PCDHA9: variants seen among roughly 807,000 people sequenced by gnomAD.
PCDHA9 encodes protocadherin alpha-9.
PCDHA9 carries 62 observed loss-of-function variants against 62.0 expected under a neutral mutation model. That is an observed-to-expected ratio of 1.00 (90% confidence interval 0.81 to 1.23). The LOEUF is 1.23. Ranked by LOEUF, PCDHA9 falls within the 50% of genes most tolerant of loss-of-function variation. The probability of loss-of-function intolerance (pLI) is 0.00; values close to 1 mark genes in which losing one functional copy is unlikely to be tolerated. For missense variants in PCDHA9, 1,205 were observed against 1,249.8 expected (o/e 0.96, Z 0.54); for synonymous variants, 557 against 567.6 (o/e 0.98, Z 0.27).
In PCDHA9 at chr5:140,855,001, ATAT is replaced by A. The variant is rs1304130287; in HGVS notation, c.2394+4116_2394+4118del. On this transcript the variant is annotated intron_variant, in intron 1 of 3. Transcript: ENST00000532602. Reference sequence around the variant, plus strand: ...TTAAGATTCTTTTTGCCCGTGTAAGATATTATAAAATGAAACTTCTTGTATAAA... The same window carrying A: ...TTAAGATTCTTTTTGCCCGTGTAAGATATAAAATGAAACTTCTTGTATAAA... Among the ~76,000 whole-genome samples the A allele has an allele frequency of 2.0e-5, 3 of 149,948 alleles. 1 individual carries two copies. The highest frequency in any genetic ancestry group is 4.5e-5 in the Non-Finnish European group (3 of 67,104).
chr5:140,918,153 C>A (rs1554198452), intron 1 of PCDHA9, among the ~76,000 whole-genome samples: 2 of 152,036 alleles, frequency 1.3e-5, no homozygotes, highest in African/African-American at 2.4e-5. Flanking sequence ...TTGTGTATGT[C>A]TATTGTAAAT....
Position 141,010,074 on chromosome 5 carries a change from G to C in PCDHA9, c.*137G>C. 6.2e-7 allele frequency: 1 copy of C among 1,607,844 alleles called. No homozygotes were observed. Among genetic ancestry groups the C allele is most frequent in the Non-Finnish European group, 8.5e-7 (1 of 1,176,754 alleles). On this transcript the variant is annotated 3_prime_UTR_variant, in exon 4 of 4. Transcript: ENST00000532602. ...CTCAGAAATCTGCAGAAAGTTCCCT[G>C]TGTCTGTCTAGAACGCATTTAACAG...
intron 1 of PCDHA9, chr5:140,878,069 T>C: frequency 5.3e-6 from 2 of 379,294 alleles, no homozygotes; most frequent in East Asian, 5.0e-5. Flanking sequence ...ATATTTTTCT[T>C]TTTCTATAAT....
intron 3 of PCDHA9, among the ~76,000 whole-genome samples, chr5:140,987,524 GT>G (rs1341881093): frequency 6.6e-6 from 1 of 152,144 alleles, no homozygotes; most frequent in Non-Finnish European, 1.5e-5. Flanking sequence ...GTAATTGTAT[GT>G]TCCTGGGACC....
At chr5:140,896,661 G>A (rs553525837) in intron 1 of PCDHA9, among the ~76,000 whole-genome samples, 1 of 152,220 alleles carries the variant, frequency 6.6e-6, no homozygotes. Context: ...ACAGGCATGA[G>A]TCACTGTGCC....
intron 3 of PCDHA9, among the ~76,000 whole-genome samples, chr5:140,985,740 T>C (rs992695405): frequency 1.9e-5 from 1 of 53,688 alleles, no homozygotes; most frequent in Admixed American, 1.9e-4. Context: ...GATGAATTCC[T>C]TTTTTTTTTT....
intron 1 of PCDHA9, among the ~76,000 whole-genome samples, chr5:140,908,888 C>T (rs2074210125): frequency 1.3e-5 from 2 of 152,122 alleles, no homozygotes; most frequent in African/African-American, 4.8e-5. Flanking sequence ...CCAATAGTCC[C>T]AAATAAGCCT....
intron 1 of PCDHA9, chr5:140,857,365 C>G (rs251362): frequency 0.53 from 847,286 of 1,597,488 alleles, 260,121 homozygotes; most frequent in South Asian, 0.6. Flanking sequence ...CCACGGCCAG[C>G]GTGTCTGTGG....
At chr5:140,851,288 A>C in intron 1 of PCDHA9, 1 of 1,036,248 alleles carries the variant, frequency 9.7e-7, no homozygotes, top group Non-Finnish European at 1.2e-6. Context: ...TAAGAAACCC[A>C]AGCAAAAATA....
In PCDHA9 at chr5:140,857,222, G is replaced by T. The variant is rs373834853; in HGVS notation, c.2394+6333G>T. ...GGTCACCTGCTCTCTGACGCCTCAC[G>T]TTCCGTTCAAGCTGGTGTCCACCTA... On this transcript the variant is annotated intron_variant, in intron 1 of 3. Coordinates refer to ENST00000532602, the MANE Select transcript of PCDHA9 (RefSeq NM_031857.2). 4 of 1,598,456 alleles carry T rather than the reference G, an allele frequency of 2.5e-6. No individual in the cohort carries two copies. Among genetic ancestry groups the T allele is most frequent in the African/African-American group, 2.7e-5 (2 of 74,394 alleles).
chr5:140,858,202 A>T (rs782325182), intron 1 of PCDHA9: 5 of 1,597,020 alleles, frequency 3.1e-6, no homozygotes. Context: ...TGTACACTGC[A>T]CTGAGGTGCT....
intron 1 of PCDHA9, chr5:140,853,856 G>T: frequency 1.0e-6 from 1 of 985,598 alleles, no homozygotes; most frequent in South Asian, 4.7e-5. Context: ...AGCCCTATTT[G>T]ATACTTGACA....
chr5:140,946,219 G>T (rs2093905754), intron 1 of PCDHA9, among the ~76,000 whole-genome samples: 1 of 151,856 alleles, frequency 6.6e-6, no homozygotes, highest in African/African-American at 2.4e-5. Context: ...TGACCAACAG[G>T]TATACTAAAA....
At position 140,856,052 on chromosome 5, in the gene PCDHA9, G is replaced by A. The variant is rs782444703; in HGVS notation, c.2394+5163G>A. 5.7e-6 allele frequency: 9 copies of A among 1,585,062 alleles called. 1 individual carries two copies. Among genetic ancestry groups the A allele is most frequent in the African/African-American group, 5.4e-5 (4 of 73,974 alleles). On this transcript the variant is annotated intron_variant, in intron 1 of 3. Coordinates refer to ENST00000532602, the MANE Select transcript of PCDHA9 (RefSeq NM_031857.2). The stretch of plus-strand genomic sequence containing the variant: ...TGTAAAACAAGAGAAGGATAAGATG[G>A]TTTCCAGATGTAGCTGCCTGGGGGT...
chr5:140,862,489 C>T (rs1385240823), intron 1 of PCDHA9: 1 of 384,600 alleles, frequency 2.6e-6, no homozygotes, highest in Non-Finnish European at 5.2e-6. Context: ...TGTTGGTAAT[C>T]GCTCGGAATG....
In PCDHA9 at chr5:141,011,141, A is replaced by G. The variant is rs1039778930; in HGVS notation, c.*1204A>G. 3.9e-5 allele frequency: 6 copies of G among 153,668 alleles called. No homozygotes were observed. In the Admixed American group the frequency reaches 3.9e-4, roughly 10 times the overall value. The allele number at this position is 153,668 out of a possible 1,614,324, so 9.5% of individuals were successfully genotyped here. On this transcript the variant is annotated 3_prime_UTR_variant, in exon 4 of 4. Coordinates refer to ENST00000532602, the MANE Select transcript of PCDHA9 (RefSeq NM_031857.2). Reference sequence around the variant, plus strand: ...ACAATTATGTGCACTTTGATACACAACCTTCTCTAACCAACTATATATCAA... The same window carrying G: ...ACAATTATGTGCACTTTGATACACAGCCTTCTCTAACCAACTATATATCAA...
intron 1 of PCDHA9, chr5:140,853,448 G>C: frequency 1.0e-6 from 1 of 980,734 alleles, no homozygotes; most frequent in Non-Finnish European, 1.2e-6. Context: ...TTGCCTAATA[G>C]GTCTCCTTAT....
intron 1 of PCDHA9, among the ~76,000 whole-genome samples, chr5:140,921,752 C>T (rs1429216387): frequency 6.6e-6 from 1 of 152,130 alleles, no homozygotes; most frequent in Non-Finnish European, 1.5e-5. Context: ...TAACAGGACA[C>T]TTCTTGGCTA....
chr5:140,959,057 G>A (rs1437392976), intron 1 of PCDHA9, among the ~76,000 whole-genome samples: 1 of 152,092 alleles, frequency 6.6e-6, no homozygotes, highest in Non-Finnish European at 1.5e-5. Context: ...AAAAAATGCA[G>A]TATATATAGA....
Sources: gnomAD v4.1 joint callset for allele counts (sites outside exome capture counted in the v4.1 genomes callset) on GRCh38, gnomAD v4.1.1 for gene constraint, MANE v1.5 for transcripts, NCBI Gene and HGNC (gene_info 2026-07-23, HGNC 2026-07-21) for gene names.